Variants in FARS2 observed in about 807,000 individuals in gnomAD.
FARS2 encodes the protein phenylalanine--tRNA ligase, mitochondrial.
In FARS2, 40 loss-of-function variants were observed where a neutral mutation model predicts 46.4. The observed-to-expected ratio is 0.86, with a 90% confidence interval of 0.67 to 1.12. The LOEUF (loss-of-function observed/expected upper bound fraction) is 1.12. Among genes scored for constraint, FARS2 ranks in the 50% most tolerant of loss-of-function variants. The pLI is 0.00. For missense variants in FARS2, 513 were observed against 567.9 expected, an observed-to-expected ratio of 0.90 and a Z score of 0.98; for synonymous variants, 234 against 214.9, an observed-to-expected ratio of 1.09 and a Z score of -0.78.
intron 6 of FARS2, among the ~76,000 whole-genome samples, chr6:5,767,701 T>C (rs1762825294): frequency 6.6e-6 from 1 of 152,134 alleles, no homozygotes; most frequent in South Asian, 2.1e-4. Flanking sequence ...CTCAATGGGG[T>C]TATGATACTT....
intron 4 of FARS2, among the ~76,000 whole-genome samples, chr6:5,502,063 C>T (rs375459839): frequency 2.0e-5 from 3 of 152,310 alleles, no homozygotes; most frequent in African/African-American, 7.2e-5. Context: ...TGTGCTGACA[C>T]ACCAGTGGCT....
At chr6:5,281,107 A>T (rs944685226) in intron 1 of FARS2, among the ~76,000 whole-genome samples, 10 of 152,220 alleles carry the variant, frequency 6.6e-5, no homozygotes, top group Non-Finnish European at 1.2e-4. Context: ...GTTGTCAGCA[A>T]GTATTTATGC....
At chr6:5,342,308 CAGTG>C (rs1771712517) in intron 1 of FARS2, among the ~76,000 whole-genome samples, 1 of 152,180 alleles carries the variant, frequency 6.6e-6, no homozygotes, top group Admixed American at 6.5e-5. Context: ...CTTTGCTAAG[CAGTG>C]TTTATTTGCA....
intron 5 of FARS2, among the ~76,000 whole-genome samples, chr6:5,594,005 T>C (rs896780084): frequency 6.6e-6 from 1 of 152,212 alleles, no homozygotes; most frequent in African/African-American, 2.4e-5. Context: ...TCCTGTTCCA[T>C]ACTCCTTCAC....
At chr6:5,599,005 T>TA (rs1204567866) in intron 5 of FARS2, among the ~76,000 whole-genome samples, 2 of 152,208 alleles carry the variant, frequency 1.3e-5, no homozygotes, top group Non-Finnish European at 2.9e-5. Flanking sequence ...GTGACTTCGC[T>TA]AGCTGGGCCT....
rs186768763 is a variant in FARS2, at chr6:5,499,873, G to A, written c.905-45307G>A. ...CTACTTAAACTTTGGGTACAGCAATGGCCTACATTTCCTGTTTCTTTTGTG... is the reference window on the plus strand; with the variant it reads ...CTACTTAAACTTTGGGTACAGCAATAGCCTACATTTCCTGTTTCTTTTGTG... On this transcript the variant is annotated intron_variant, in intron 4 of 6. Transcript: ENST00000274680. 5.3e-5 allele frequency among the ~76,000 whole-genome samples: 8 copies of A among 152,262 alleles called. No individual in the cohort carries two copies. In the East Asian group the frequency reaches 1.5e-3, roughly 29 times the overall value.
At chr6:5,524,044 C>G (rs543334475) in intron 4 of FARS2, among the ~76,000 whole-genome samples, 1 of 152,300 alleles carries the variant, frequency 6.6e-6, no homozygotes, top group East Asian at 1.9e-4. Flanking sequence ...GAAGACTGGT[C>G]TCACTGTTTC....
At chr6:5,327,910 T>C (rs917427629) in intron 1 of FARS2, among the ~76,000 whole-genome samples, 5 of 152,214 alleles carry the variant, frequency 3.3e-5, no homozygotes, top group Non-Finnish European at 5.9e-5. Flanking sequence ...TGGGTTCCAC[T>C]GGACGTTGAT....
chr6:5,523,223 C>T (rs1359544379), intron 4 of FARS2, among the ~76,000 whole-genome samples: 14 of 152,224 alleles, frequency 9.2e-5, no homozygotes, highest in Admixed American at 7.8e-4. Context: ...TTCCGTCTTC[C>T]GTCTAATTTA....
chr6:5,684,548 A>G (rs1409152677), intron 6 of FARS2, among the ~76,000 whole-genome samples: 2 of 152,192 alleles, frequency 1.3e-5, no homozygotes, highest in Non-Finnish European at 1.5e-5. Context: ...AGCTATTTCC[A>G]TCACCCTTAC....
intron 5 of FARS2, among the ~76,000 whole-genome samples, chr6:5,601,333 C>G (rs1774499942): frequency 6.6e-6 from 1 of 151,850 alleles, no homozygotes; most frequent in Non-Finnish European, 1.5e-5. Flanking sequence ...ACCAGCCTGA[C>G]CAACATGGAG....
At chr6:5,541,161 T>A (rs7751261) in intron 4 of FARS2, among the ~76,000 whole-genome samples, 1 of 152,074 alleles carries the variant, frequency 6.6e-6, no homozygotes, top group Non-Finnish European at 1.5e-5. Flanking sequence ...ATTTAAATCA[T>A]TACACCTCAA....
At chr6:5,739,856 C>T (rs1761217093) in intron 6 of FARS2, among the ~76,000 whole-genome samples, 1 of 152,188 alleles carries the variant, frequency 6.6e-6, no homozygotes, top group African/African-American at 2.4e-5. Context: ...TCCAGACCCT[C>T]TTCTTGGAGC....
intron 6 of FARS2, among the ~76,000 whole-genome samples, chr6:5,636,148 C>G (rs554472805): frequency 2.0e-5 from 3 of 151,902 alleles, no homozygotes; most frequent in Non-Finnish European, 4.4e-5. Context: ...TGAGCATCCC[C>G]AAATTTAAAG....
rs150062397 is a variant in FARS2, at chr6:5,265,495, G to T, written c.-22+3835G>T. 8.7e-4 allele frequency among the ~76,000 whole-genome samples: 133 copies of T among 152,304 alleles called. 1 individual carries two copies. Among genetic ancestry groups the T allele is most frequent in the African/African-American group, 3.1e-3 (129 of 41,568 alleles). ...TTAACAGCTGAGCTGTTGAAATGGA[G>T]ATTATTTATTCAGGTACTGATAACC... On this transcript the variant is annotated intron_variant, in intron 1 of 6. Transcript: ENST00000274680.
intron 4 of FARS2, among the ~76,000 whole-genome samples, chr6:5,478,261 G>A (rs1766243960): frequency 6.6e-6 from 1 of 152,116 alleles, no homozygotes; most frequent in Admixed American, 6.5e-5. Context: ...TATTTAACCT[G>A]GCTGTCTATT....
intron 6 of FARS2, among the ~76,000 whole-genome samples, chr6:5,636,229 A>C (rs1197944249): frequency 1.3e-5 from 2 of 152,250 alleles, no homozygotes; most frequent in Non-Finnish European, 2.9e-5. Context: ...ACTAAAAGGA[A>C]AAATCGCTGT....
At chr6:5,355,742 G>T (rs968542277) in intron 1 of FARS2, among the ~76,000 whole-genome samples, 2 of 151,930 alleles carry the variant, frequency 1.3e-5, no homozygotes, top group Non-Finnish European at 2.9e-5. Context: ...CACACACACG[G>T]TATAACATGC....
At chr6:5,297,556 G>A (rs1767979531) in intron 1 of FARS2, among the ~76,000 whole-genome samples, 1 of 152,092 alleles carries the variant, frequency 6.6e-6, no homozygotes, top group South Asian at 2.1e-4. Context: ...GCTGAGGTAG[G>A]AGAATTGATT....
Sources: gnomAD v4.1 joint callset for allele counts (sites outside exome capture counted in the v4.1 genomes callset) on GRCh38, gnomAD v4.1.1 for gene constraint, MANE v1.5 for transcripts, NCBI Gene and HGNC (gene_info 2026-07-23, HGNC 2026-07-21) for gene names.